ESS2: variants seen among roughly 807,000 people sequenced by gnomAD.
ESS2 encodes the protein ess-2 spliceosome associated protein.
A neutral mutation model predicts 52.0 loss-of-function variants in ESS2; 31 were observed. The ratio of observed to expected loss-of-function variants is 0.60; its 90% CI spans 0.45 to 0.81. ESS2 has a LOEUF of 0.81. ESS2 is among the 30% of genes least tolerant of loss of function. The probability of loss-of-function intolerance (pLI) is 0.00; values close to 1 mark genes in which losing one functional copy is unlikely to be tolerated. For missense variants in ESS2, 602 were observed against 637.2 expected (o/e 0.94, Z 0.59); for synonymous variants, 285 against 259.2 (o/e 1.10, Z -0.95).
At chr22:19,143,734 T>C (rs2083735118) in intron 1 of ESS2, among the ~76,000 whole-genome samples, 1 of 152,122 alleles carries the variant, frequency 6.6e-6, no homozygotes, top group Non-Finnish European at 1.5e-5. Flanking sequence ...CGGGCACCTG[T>C]AGTCACAGCT....
chr22:19,143,888 C>G (rs1394948226), intron 1 of ESS2, among the ~76,000 whole-genome samples: 4 of 152,130 alleles, frequency 2.6e-5, no homozygotes, highest in Non-Finnish European at 4.4e-5. Flanking sequence ...AACCTTTTTC[C>G]TGAGTAACTT....
In ESS2 at chr22:19,134,438, C is replaced by A. The variant is rs1281871091; in HGVS notation, c.1189G>T (p.Ala397Ser). ...GTCCTGCTCACAAGGCGCTGTAGGG[C>A]TGGCGACATGGCTGGGCTCAGGCCT... ...PKGLSPAMSP[A>S]LQRLVSRTAS... The change falls in exon 10 of 10, where the codon GCC becomes TCC. Residue 397 changes from alanine (A) to serine (S), a missense_variant. Physicochemically the swap from Ala to Ser is moderately conservative, Grantham distance 99 (BLOSUM62 1). Coordinates refer to ENST00000252137, the MANE Select transcript of ESS2 (RefSeq NM_022719.3). 1.3e-6 allele frequency: 2 copies of A among 1,590,394 alleles called. No individual in the cohort carries two copies. The highest frequency in any genetic ancestry group is 2.7e-5 in the African/African-American group (2 of 74,274).
rs767669673 is a variant in ESS2 at position 19,132,327 on chromosome 22, CGGCCCGACCACA to C, written c.*1857_*1868del. The stretch of plus-strand genomic sequence containing the variant: ...CAAGACAGGCTTGAGGCCCGACCAC[CGGCCCGACCACA>C]AGCTTGGAGCCAAAACCCAGCACCG... On this transcript the variant is annotated 3_prime_UTR_variant, in exon 10 of 10. Transcript: ENST00000252137. This position sits in a 1 kb window ranked among gnomAD's most constrained non-coding sequence, Gnocchi z 4.2. 8 of 1,612,762 alleles carry C rather than the reference CGGCCCGACCACA, an allele frequency of 5.0e-6. No individual in the cohort carries two copies. The highest frequency in any genetic ancestry group is 6.8e-6 in the Non-Finnish European group (8 of 1,180,006).
chr22:19,139,873 A>G lies in ESS2; in HGVS notation c.552T>C (p.Ala184=), dbSNP rs1170663162. The G allele has an allele frequency of 6.2e-7, 1 of 1,614,018 alleles. No homozygotes were observed. The change falls in exon 4 of 10, where the codon GCT becomes GCC. Residue 184 remains alanine, a synonymous_variant. Transcript: ENST00000252137. The part of the protein sequence containing the change: ...SRARHAWLYQ[A]EEEFEKRQKD... ...GAGACACCTTCTCAAACTCTTCCTCAGCCTGGTAGAGCCAAGCGTGGCGTG... is the reference window on the plus strand; with the variant it reads ...GAGACACCTTCTCAAACTCTTCCTCGGCCTGGTAGAGCCAAGCGTGGCGTG...
In ESS2 at chr22:19,138,254, C is replaced by A. The variant is rs1247296989; in HGVS notation, c.886G>T (p.Gly296Cys). ...ELIPQESPRV[G>C]GFGFVATPSP... Reference sequence around the variant, plus strand: ...GGAGTGGCAACAAATCCAAATCCACCCACTCGAGGGGACTCCTGGGGGATC... The same window carrying A: ...GGAGTGGCAACAAATCCAAATCCACACACTCGAGGGGACTCCTGGGGGATC... The change falls in exon 7 of 10, where the codon GGT (glycine) becomes TGT (cysteine). Residue 296 changes from glycine (G) to cysteine (C), a missense_variant. Transcript: ENST00000252137. 6.2e-7 allele frequency: 1 copy of A among 1,613,936 alleles called. No individual in the cohort carries two copies. The highest frequency in any genetic ancestry group is 8.5e-7 in the Non-Finnish European group (1 of 1,179,972).
chr22:19,138,496 A>G (rs1287924490), intron 6 of ESS2, 179 bp from the exon 7 acceptor site: 25 of 724,234 alleles, frequency 3.5e-5, no homozygotes, highest in East Asian at 1.6e-4. Flanking sequence ...CAACCCCCCA[A>G]AAGACCTTGA....
Position 19,142,647 on chromosome 22 carries a change from G to C in ESS2, c.305-14C>G. The C allele has an allele frequency of 1.2e-6, 2 of 1,611,428 alleles. No homozygotes were observed. The highest frequency in any genetic ancestry group is 1.7e-6 in the Non-Finnish European group (2 of 1,178,800). Reference sequence around the variant, plus strand: ...CTGGAGTCACATCTAGGGGAAGAGAGGGGGATAAGAATTAGAGTGAGCCTG... The same window carrying C: ...CTGGAGTCACATCTAGGGGAAGAGACGGGGATAAGAATTAGAGTGAGCCTG... On this transcript the variant is annotated splice_polypyrimidine_tract_variant and intron_variant, in intron 2 of 9. Transcript: ENST00000252137.
Position 19,130,621 on chromosome 22 carries a change from C to T in ESS2, c.*3575G>A, listed in dbSNP as rs1346413297. 3 of 361,146 alleles carry T rather than the reference C, an allele frequency of 8.3e-6. No individual in the cohort carries two copies. The highest frequency in any genetic ancestry group is 1.6e-5 in the Non-Finnish European group (3 of 189,148). 22.4% of individuals were successfully genotyped at this position (361,146 alleles called of 1,614,324 possible). A position where few individuals can be genotyped will look rare whatever the true frequency, so the allele number is the denominator to read the frequency against. On this transcript the variant is annotated 3_prime_UTR_variant, in exon 10 of 10. Transcript: ENST00000252137. ...TCCAATTGATCTATTCAAACAGCTG[C>T]CTGTTCCCTTAACTTGTCTTCAGAT...
chr22:19,131,223 TTA>T lies in ESS2; in HGVS notation c.*2971_*2972del, dbSNP rs2083502686. ...CAGTCCCCGCCCCCACTCCTTGGCT[TTA>T]TGAGTTCATTGGCTGAAGTCACCCG... On this transcript the variant is annotated 3_prime_UTR_variant, in exon 10 of 10. Transcript: ENST00000252137. The surrounding 1 kb of genome is among the most constrained non-coding windows in gnomAD (Gnocchi z 5.7). 6.6e-6 allele frequency: 4 copies of T among 606,932 alleles called. No homozygotes were observed. The highest frequency in any genetic ancestry group is 1.2e-5 in the Non-Finnish European group (4 of 342,264). 37.6% of individuals were successfully genotyped at this position (606,932 alleles called of 1,614,324 possible).
chr22:19,139,626 A>G lies in ESS2; in HGVS notation c.674T>C (p.Met225Thr). The G allele has an allele frequency of 6.2e-7, 1 of 1,613,836 alleles. No homozygotes were observed. Among genetic ancestry groups the G allele is most frequent in the Non-Finnish European group, 8.5e-7 (1 of 1,179,742 alleles). ...TWKYKAKNSLMYYPEGVPDEE... is the reference protein window; with the variant it reads ...TWKYKAKNSLTYYPEGVPDEE... ...CCGCCACTTACCCTCTGGATAGTAC[A>G]TGAGGGAATTCTTGGCCTTGTACTT... The change falls in exon 5 of 10, where the codon ATG (methionine) becomes ACG (threonine). Residue 225 changes from methionine to threonine, a missense_variant. Transcript: ENST00000252137.
At chr22:19,140,605 C>T (rs537434424) in intron 3 of ESS2, among the ~76,000 whole-genome samples, 4 of 152,280 alleles carry the variant, frequency 2.6e-5, no homozygotes, top group Admixed American at 6.5e-5. Context: ...CCCCCCCCTC[C>T]GACCAACCCT....
intron 6 of ESS2, 21 bp from the exon 7 acceptor site, chr22:19,138,338 G>A (rs771863113): frequency 6.2e-7 from 1 of 1,609,760 alleles, no homozygotes; most frequent in Non-Finnish European, 8.5e-7. Flanking sequence ...CAGAGAGGCT[G>A]GCATCAGGGG....
chr22:19,140,554 C>T (rs2083667895), intron 3 of ESS2, among the ~76,000 whole-genome samples: 1 of 152,154 alleles, frequency 6.6e-6, no homozygotes, highest in South Asian at 2.1e-4. Context: ...ACTTAGTCCT[C>T]TGGATGGGGC....
At chr22:19,138,142 G>A (rs2083616711) in intron 7 of ESS2, 73 bp downstream of exon 7, 2 of 1,601,014 alleles carry the variant, frequency 1.2e-6, no homozygotes, top group Admixed American at 1.7e-5. Context: ...GAGTGGCCAG[G>A]GCCGACTGAG....
intron 9 of ESS2, 30 bp from the exon 10 acceptor site, chr22:19,134,505 G>C: frequency 2.0e-6 from 3 of 1,495,156 alleles, no homozygotes; most frequent in Non-Finnish European, 2.7e-6. Context: ...GAGAGAGGCA[G>C]GGTTAGGTGG....
rs200850431 is a variant in ESS2, at chr22:19,131,387, C to G, written c.*2809G>C. The G allele has an allele frequency of 1.2e-5, 18 of 1,564,928 alleles. No homozygotes were observed. Among genetic ancestry groups the G allele is most frequent in the Non-Finnish European group, 1.5e-5 (17 of 1,150,554 alleles). On this transcript the variant is annotated 3_prime_UTR_variant, in exon 10 of 10. Coordinates refer to ENST00000252137, the MANE Select transcript of ESS2 (RefSeq NM_022719.3). This position sits in a 1 kb window ranked among gnomAD's most constrained non-coding sequence, Gnocchi z 5.7. ...GGATGTAGACGGCAGCGGCGCCAGTCGCTCCTGGCACCATGGACGATGCCA... is the reference window on the plus strand; with the variant it reads ...GGATGTAGACGGCAGCGGCGCCAGTGGCTCCTGGCACCATGGACGATGCCA...
Sources: allele counts gnomAD v4.1 joint callset (sites outside exome capture counted in the v4.1 genomes callset), GRCh38; gene constraint gnomAD v4.1.1; non-coding constraint Gnocchi (gnomAD v3.1); transcripts MANE v1.5; gene names NCBI Gene and HGNC (gene_info 2026-07-23, HGNC 2026-07-21).